Variants in MYO18B observed in about 807,000 individuals in gnomAD.
MYO18B encodes the protein unconventional myosin-XVIIIb.
A neutral mutation model predicts 273.0 loss-of-function variants in MYO18B; 204 were observed. The observed-to-expected ratio is 0.75, with a 90% confidence interval of 0.67 to 0.84. The LOEUF is 0.84. Ranked by LOEUF, MYO18B falls within the 40% of genes least tolerant of loss-of-function variation. The probability of loss-of-function intolerance (pLI) is 0.00; values close to 1 mark genes in which losing one functional copy is unlikely to be tolerated. For missense variants in MYO18B, 3,212 were observed against 3,287.6 expected (o/e 0.98, Z 0.56); for synonymous variants, 1,330 against 1,305.7 (o/e 1.02, Z -0.40).
chr22:26,056,791 C>G, the MYO18B span, among the ~76,000 whole-genome samples: 1 of 152,180 alleles, frequency 6.6e-6, no homozygotes, highest in Non-Finnish European at 1.5e-5. Flanking sequence ...CTTTTGGTGA[C>G]ATGCACATTC....
At chr22:26,063,253 T>C in the MYO18B span, among the ~76,000 whole-genome samples, 1 of 152,164 alleles carries the variant, frequency 6.6e-6, no homozygotes, top group East Asian at 1.9e-4. Flanking sequence ...AAATTACTCA[T>C]GTGGAATGGC....
intron 25 of MYO18B, among the ~76,000 whole-genome samples, chr22:25,889,416 A>G (rs937092098): frequency 6.6e-6 from 1 of 152,146 alleles, no homozygotes; most frequent in Non-Finnish European, 1.5e-5. Flanking sequence ...TTCACATGCA[A>G]AATTTACAGC....
At chr22:25,933,227 G>A (rs1293648022) in intron 34 of MYO18B, among the ~76,000 whole-genome samples, 1 of 152,098 alleles carries the variant, frequency 6.6e-6, no homozygotes, top group Non-Finnish European at 1.5e-5. Flanking sequence ...AGATTCCCAG[G>A]ACAAAGGACT....
At chr22:25,838,634 G>C (rs1300273779) in intron 17 of MYO18B, among the ~76,000 whole-genome samples, 2 of 152,188 alleles carry the variant, frequency 1.3e-5, no homozygotes, top group Admixed American at 6.5e-5. Context: ...ACAGTATTCA[G>C]TGTGGTCACA....
In MYO18B at chr22:26,030,852, T is replaced by C. The variant is rs1936636488; in HGVS notation, c.*422T>C. ...CAGCTCACTTCCTCCAGGAAGTCTT[T>C]CCTGATATATCAAACTGAAACAAAT... On this transcript the variant is annotated 3_prime_UTR_variant, in exon 44 of 44. Coordinates refer to ENST00000335473, the MANE Select transcript of MYO18B (RefSeq NM_032608.7). The C allele has an allele frequency of 2.5e-6, 1 of 398,414 alleles. No homozygotes were observed. The highest frequency in any genetic ancestry group is 4.4e-5 in the Admixed American group (1 of 22,702). The allele number at this position is 398,414 out of a possible 1,614,324, so 24.7% of individuals were successfully genotyped here.
At chr22:26,000,499 A>G (rs1244221475) in intron 40 of MYO18B, among the ~76,000 whole-genome samples, 1 of 151,642 alleles carries the variant, frequency 6.6e-6, no homozygotes, top group Non-Finnish European at 1.5e-5. Context: ...TGCAGTCTAT[A>G]TGGTAGTGAG....
chr22:25,902,993 G>A (rs1286509819), intron 30 of MYO18B: 2 of 412,834 alleles, frequency 4.8e-6, no homozygotes, highest in Non-Finnish European at 8.9e-6. Flanking sequence ...TACCTGGGAG[G>A]TATAACAGGC....
Position 25,883,152 on chromosome 22 carries a change from G to A in MYO18B, c.4314+5104G>A, listed in dbSNP as rs1159459277. On this transcript the variant is annotated intron_variant, in intron 25 of 43. Transcript: ENST00000335473. The surrounding 1 kb of genome is among the most constrained non-coding windows in gnomAD (Gnocchi z 7.6). ...GGGCTCAAGCGATCCTCCTGCCTTG[G>A]CCTCCCAGAGTGCTGGCGTGAACCA... Among the ~76,000 whole-genome samples, 10 of 152,216 alleles carry A rather than the reference G, an allele frequency of 6.6e-5. No individual in the cohort carries two copies. Among genetic ancestry groups the A allele is most frequent in the African/African-American group, 1.9e-4 (8 of 41,516 alleles).
At chr22:25,998,358 TGGCTAGGG>T (rs1933563848) in intron 40 of MYO18B, among the ~76,000 whole-genome samples, 1 of 152,154 alleles carries the variant, frequency 6.6e-6, no homozygotes, top group Admixed American at 6.5e-5. Context: ...TCTGTCACCT[TGGCTAGGG>T]GGTAAAGGGG....
intron 12 of MYO18B, among the ~76,000 whole-genome samples, chr22:25,808,676 G>T (rs2088595247): frequency 6.6e-6 from 1 of 152,128 alleles, no homozygotes; most frequent in African/African-American, 2.4e-5. Flanking sequence ...CGGGGCTAAA[G>T]GCATGGGGTC....
intron 1 of MYO18B, among the ~76,000 whole-genome samples, chr22:25,743,988 C>T (rs1022688238): frequency 1.3e-5 from 2 of 152,088 alleles, no homozygotes; most frequent in Non-Finnish European, 2.9e-5. Flanking sequence ...GGGAAGGGGC[C>T]CAGAAATCCA....
intron 12 of MYO18B, among the ~76,000 whole-genome samples, chr22:25,809,833 A>G (rs577083079): frequency 1.2e-4 from 18 of 152,242 alleles, no homozygotes; most frequent in African/African-American, 3.6e-4. Context: ...CTGAGTGTAG[A>G]TGGTCAGTGA....
intron 42 of MYO18B, among the ~76,000 whole-genome samples, chr22:26,023,392 A>C (rs55704193): frequency 6.6e-6 from 1 of 152,142 alleles, no homozygotes; most frequent in Admixed American, 6.5e-5. Context: ...AGACACTGTC[A>C]GTTCAGACTT....
intron 34 of MYO18B, among the ~76,000 whole-genome samples, chr22:25,923,063 C>T (rs1422248606): frequency 1.3e-5 from 2 of 152,124 alleles, no homozygotes; most frequent in South Asian, 2.1e-4. Flanking sequence ...TTTTTATGAC[C>T]CTGACAGTTT....
At chr22:25,895,125 T>C (rs868584493) in intron 27 of MYO18B, 31 bp from the exon 28 acceptor site, 8 of 1,607,506 alleles carry the variant, frequency 5.0e-6, no homozygotes, top group Non-Finnish European at 6.8e-6. Context: ...ATTTGGCCTC[T>C]TATCCTGGTC....
chr22:25,938,584 T>C (rs1446766581), intron 34 of MYO18B, among the ~76,000 whole-genome samples: 1 of 152,226 alleles, frequency 6.6e-6, no homozygotes, highest in Non-Finnish European at 1.5e-5. Context: ...TTGTGGGCTA[T>C]AGTGATAATG....
the MYO18B span, among the ~76,000 whole-genome samples, chr22:26,044,228 T>G: frequency 1.3e-5 from 2 of 152,252 alleles, no homozygotes; most frequent in African/African-American, 4.8e-5. Context: ...TAGATGCAAG[T>G]TCTTTGTCAG....
chr22:25,793,384 A>G (rs1319127245), intron 11 of MYO18B, among the ~76,000 whole-genome samples: 1 of 152,100 alleles, frequency 6.6e-6, no homozygotes, highest in Non-Finnish European at 1.5e-5. Flanking sequence ...ACAAGGACAT[A>G]TCACCATGCC....
At chr22:25,802,253 C>G (rs1476393612) in intron 12 of MYO18B, among the ~76,000 whole-genome samples, 1 of 152,146 alleles carries the variant, frequency 6.6e-6, no homozygotes, top group Admixed American at 6.5e-5. Context: ...AACTCAGGAA[C>G]AGGGCAAGGG....
Sources: gnomAD v4.1 joint callset for allele counts (sites outside exome capture counted in the v4.1 genomes callset) on GRCh38, gnomAD v4.1.1 for gene constraint, Gnocchi (gnomAD v3.1) non-coding constraint, MANE v1.5 for transcripts, NCBI Gene and HGNC (gene_info 2026-07-23, HGNC 2026-07-21) for gene names.